Variants in SAG observed in about 807,000 individuals in gnomAD.
SAG encodes S-antigen visual arrestin.
In SAG, 45 loss-of-function variants were observed where a neutral mutation model predicts 55.0. The observed-to-expected ratio is 0.82, with a 90% CI of 0.64 to 1.05. The LOEUF (loss-of-function observed/expected upper bound fraction) is 1.05. SAG is among the 50% of genes least tolerant of loss of function. SAG has a pLI of 0.00. For synonymous variants in SAG, 189 were observed against 197.4 expected, an observed-to-expected ratio of 0.96 and a Z score of 0.36; for missense variants, 455 against 512.1, an observed-to-expected ratio of 0.89 and a Z score of 1.08.
At chr2:233,320,604 C>T (rs762436955) in intron 4 of SAG, 26 bp from the exon 5 acceptor site, 8 of 1,543,212 alleles carry the variant, frequency 5.2e-6, no homozygotes, top group African/African-American at 2.8e-5. Flanking sequence ...GGGCCAAGTC[C>T]GACCCTGCCT....
In SAG at chr2:233,346,809, A is replaced by G; in HGVS notation, c.1115A>G (p.Tyr372Cys). The change falls in exon 16 of 16, where the codon TAT becomes TGT. Residue 372 changes from tyrosine (Y) to cysteine (C), a missense_variant and splice_region_variant. Coordinates refer to ENST00000409110, the MANE Select transcript of SAG (RefSeq NM_000541.5). Reference sequence around the variant, plus strand: ...AAATGTTGTTTGTTTTATTTTAGTTATCAGGATGCAAATTTAGTTTTTGAG... The same window carrying G: ...AAATGTTGTTTGTTTTATTTTAGTTGTCAGGATGCAAATTTAGTTTTTGAG... ...PQPEDPAKES[Y>C]QDANLVFEEF... 2 of 1,594,830 alleles carry G rather than the reference A, an allele frequency of 1.3e-6. No individual in the cohort carries two copies. The highest frequency in any genetic ancestry group is 1.7e-6 in the Non-Finnish European group (2 of 1,164,288).
rs1700584879 is a variant in SAG at position 233,327,123 on chromosome 2, C to T, written c.438C>T (p.Ser146=). The T allele has an allele frequency of 6.2e-7, 1 of 1,613,622 alleles. No individual in the cohort carries two copies. Among genetic ancestry groups the T allele is most frequent in the South Asian group, 1.1e-5 (1 of 91,072 alleles). The change falls in exon 7 of 16, where the codon TCC becomes TCT. Residue 146 remains serine, a splice_region_variant and synonymous_variant. Transcript: ENST00000409110. ...LQPAPQDSGK[S]CGVDFEVKAF... is the part of the protein sequence containing the mutation. The stretch of plus-strand genomic sequence containing the variant: ...TGTCTGCTCTCTCTCCCCAACAGTC[C>T]TGTGGGGTTGACTTTGAGGTCAAAG...
chr2:233,323,168 C>T (rs1404294508), intron 6 of SAG, among the ~76,000 whole-genome samples, 163 bp downstream of exon 6: 5 of 152,182 alleles, frequency 3.3e-5, no homozygotes, highest in Admixed American at 6.5e-5. Flanking sequence ...AAGTGATTCT[C>T]TAGCCTCAGC....
intron 2 of SAG, among the ~76,000 whole-genome samples, 178 bp from the exon 3 acceptor site, chr2:233,315,896 AG>A (rs1237536893): frequency 6.6e-6 from 1 of 151,382 alleles, no homozygotes; most frequent in South Asian, 2.1e-4. Context: ...TAGTAGAGAC[AG>A]GGTTTCACCA....
chr2:233,326,517 G>A (rs1700560525), intron 6 of SAG, among the ~76,000 whole-genome samples: 1 of 151,788 alleles, frequency 6.6e-6, no homozygotes, highest in Non-Finnish European at 1.5e-5. Context: ...CTCGGGAGGC[G>A]GAGGTTGTGG....
chr2:233,317,343 C>T (rs749685142), intron 3 of SAG, among the ~76,000 whole-genome samples: 1 of 152,200 alleles, frequency 6.6e-6, no homozygotes, highest in Non-Finnish European at 1.5e-5. Context: ...GAATGTCCCA[C>T]GTCAGCTTCC....
chr2:233,309,566 A>G (rs1009866369), intron 2 of SAG, among the ~76,000 whole-genome samples: 1 of 152,106 alleles, frequency 6.6e-6, no homozygotes, highest in African/African-American at 2.4e-5. Flanking sequence ...AATCACTTGA[A>G]CCCAGGAGGT....
chr2:233,323,631 G>A (rs1700454839), intron 6 of SAG, among the ~76,000 whole-genome samples: 1 of 152,206 alleles, frequency 6.6e-6, no homozygotes, highest in South Asian at 2.1e-4. Flanking sequence ...CCAAAGTCCT[G>A]GGATTACAGG....
At chr2:233,337,907 C>T (rs1409589650) in intron 11 of SAG, among the ~76,000 whole-genome samples, 1 of 152,252 alleles carries the variant, frequency 6.6e-6, no homozygotes, top group Non-Finnish European at 1.5e-5. Context: ...ATGCCCGGCA[C>T]AGTGCCTGCC....
intron 2 of SAG, among the ~76,000 whole-genome samples, chr2:233,310,534 G>C (rs977286314): frequency 2.1e-4 from 28 of 130,842 alleles, no homozygotes; most frequent in Admixed American, 8.4e-5. Context: ...TTTTGAGACA[G>C]AGTCTCACTC....
chr2:233,320,556 G>T, intron 4 of SAG, 74 bp from the exon 5 acceptor site: 1 of 1,210,462 alleles, frequency 8.3e-7, no homozygotes. Context: ...ACCCGTGTTC[G>T]CTGCCCATTC....
chr2:233,327,212 G>A lies in SAG; in HGVS notation c.512+15G>A. 6.2e-7 allele frequency: 1 copy of A among 1,609,600 alleles called. No homozygotes were observed. The highest frequency in any genetic ancestry group is 8.5e-7 in the Non-Finnish European group (1 of 1,175,988). ...ATCCCCAAGAAGTAAGAGTATGGTT[G>A]CGGAATAGGTGAGGGGTCTGCGGTG... On this transcript the variant is annotated intron_variant, in intron 7 of 15. Transcript: ENST00000409110.
chr2:233,323,650 A>G (rs1424722507), intron 6 of SAG, among the ~76,000 whole-genome samples: 1 of 152,232 alleles, frequency 6.6e-6, no homozygotes, highest in Non-Finnish European at 1.5e-5. Context: ...GGCGTGAGCC[A>G]CCGCGCTCGG....
intron 1 of SAG, 88 bp from the exon 2 acceptor site, chr2:233,309,074 T>C: frequency 1.4e-6 from 1 of 724,820 alleles, no homozygotes; most frequent in Non-Finnish European, 2.4e-6. Flanking sequence ...ATCTCGTGAG[T>C]AGGTTTCATA....
chr2:233,328,366 T>A lies in SAG; in HGVS notation c.513-112T>A. The A allele has an allele frequency of 8.9e-6, 12 of 1,345,138 alleles. No homozygotes were observed. In the South Asian group the frequency reaches 1.7e-4, roughly 19 times the overall value. The allele number at this position is 1,345,138 out of a possible 1,614,324, so 83.3% of individuals were successfully genotyped here. A position where few individuals can be genotyped will look rare whatever the true frequency, so the allele number is the denominator to read the frequency against. ...TTGCCCTCTTCCCGTCCACCCTGTC[T>A]CCATGGGGAGCATTCCTGGAGAATC... On this transcript the variant is annotated intron_variant, in intron 7 of 15. Transcript: ENST00000409110.
intron 8 of SAG, chr2:233,328,930 G>A: frequency 3.1e-6 from 1 of 320,988 alleles, no homozygotes; most frequent in Non-Finnish European, 5.7e-6. Flanking sequence ...CATGGGCCTT[G>A]TTCACTCATG....
rs150984494 is a variant in SAG, at chr2:233,340,875, G to A, written c.1046+397G>A. Among the ~76,000 whole-genome samples, 840 of 151,766 alleles carry A rather than the reference G, an allele frequency of 5.5e-3. 8 individuals carry two copies. Among genetic ancestry groups the A allele is most frequent in the African/African-American group, 0.019 (775 of 41,392 alleles). ...GTGGCCCAGCCTGGAGTGCAGTGAC[G>A]TGATCTCGGCTCACCGTGACCTCCA... On this transcript the variant is annotated intron_variant, in intron 13 of 15. Coordinates refer to ENST00000409110, the MANE Select transcript of SAG (RefSeq NM_000541.5). The surrounding 1 kb of genome is among the most constrained non-coding windows in gnomAD (Gnocchi z 4.2).
intron 3 of SAG, 64 bp downstream of exon 3, chr2:233,316,199 T>G (rs1700213940): frequency 1.0e-6 from 1 of 975,402 alleles, no homozygotes; most frequent in African/African-American, 1.6e-5. Flanking sequence ...CCGCTCACTT[T>G]GTGTTTTTAA....
rs1169080976 is a variant in SAG at position 233,340,481 on chromosome 2, A to G, written c.1046+3A>G. 9 of 1,609,132 alleles carry G rather than the reference A, an allele frequency of 5.6e-6. No homozygotes were observed. The highest frequency in any genetic ancestry group is 7.6e-6 in the Non-Finnish European group (9 of 1,177,070). ...TTTCTGGGAGAGCTCACCTCCAGGT[A>G]AGCCTGTTCACCTTCCTTGTTTGAT... On this transcript the variant is annotated splice_donor_region_variant and intron_variant, in intron 13 of 15. Transcript: ENST00000409110. This position sits in a 1 kb window ranked among gnomAD's most constrained non-coding sequence, Gnocchi z 4.2.
Sources: allele counts gnomAD v4.1 joint callset (sites outside exome capture counted in the v4.1 genomes callset), GRCh38; gene constraint gnomAD v4.1.1; non-coding constraint Gnocchi (gnomAD v3.1); transcripts MANE v1.5; gene names NCBI Gene and HGNC (gene_info 2026-07-23, HGNC 2026-07-21).